Variants in KIRREL1 observed in about 807,000 individuals in gnomAD.
The protein encoded by KIRREL1 is kin of IRRE-like protein 1.
Under a neutral mutation model 83.3 loss-of-function variants are expected in KIRREL1, and 25 were observed. The observed-to-expected ratio is 0.30, with a 90% CI of 0.22 to 0.42. KIRREL1 has a LOEUF of 0.42. KIRREL1 is among the 10% of genes least tolerant of loss of function. KIRREL1 has a pLI of 1.00. For synonymous variants in KIRREL1, 388 were observed against 410.4 expected (o/e 0.95, Z 0.66); for missense variants, 812 against 1,032.3 (o/e 0.79, Z 2.92).
At chr1:158,085,040 T>C (rs1661977637) in intron 4 of KIRREL1, among the ~76,000 whole-genome samples, 1 of 152,324 alleles carries the variant, frequency 6.6e-6, no homozygotes, top group African/African-American at 2.4e-5. Context: ...TCTCCACTGA[T>C]CACTTCTACC....
Position 158,096,553 on chromosome 1 carries a change from G to A in KIRREL1, c.*1433G>A, listed in dbSNP as rs980987914. 3 of 457,032 alleles carry A rather than the reference G, an allele frequency of 6.6e-6. No homozygotes were observed. In the Admixed American group the frequency reaches 7.0e-5, roughly 11 times the overall value. 28.3% of individuals were successfully genotyped at this position (457,032 alleles called of 1,614,324 possible). ...GGGTGAGGGGACCTGGAGAGGTAAG[G>A]GGCCTGGAAATGGCCCTGACAGAGA... On this transcript the variant is annotated 3_prime_UTR_variant, in exon 15 of 15. Transcript: ENST00000359209.
intron 1 of KIRREL1, among the ~76,000 whole-genome samples, chr1:158,014,040 A>G (rs962370640): frequency 1.3e-5 from 2 of 152,094 alleles, no homozygotes; most frequent in Admixed American, 6.6e-5. Context: ...GGGGATTAGG[A>G]CCAGTTTGGA....
At chr1:158,034,992 G>GTT (rs1660435978) in intron 1 of KIRREL1, among the ~76,000 whole-genome samples, 1 of 151,276 alleles carries the variant, frequency 6.6e-6, no homozygotes, top group African/African-American at 2.5e-5. Context: ...AACTGGTTGT[G>GTT]TGTGTGTTCA....
At chr1:158,080,673 G>C (rs73024658) in intron 3 of KIRREL1, among the ~76,000 whole-genome samples, 1 of 152,122 alleles carries the variant, frequency 6.6e-6, no homozygotes, top group Admixed American at 6.5e-5. Context: ...GTGTCTCCTC[G>C]GGGCTCTACC....
intron 3 of KIRREL1, among the ~76,000 whole-genome samples, chr1:158,082,276 A>C (rs1661884142): frequency 6.6e-6 from 1 of 152,078 alleles, no homozygotes; most frequent in South Asian, 2.1e-4. Flanking sequence ...TCTGACCTTC[A>C]TGAGGCTCTA....
At chr1:158,084,363 G>T in intron 3 of KIRREL1, 59 bp from the exon 4 acceptor site, 1 of 1,468,550 alleles carries the variant, frequency 6.8e-7, no homozygotes, top group Non-Finnish European at 9.1e-7. Flanking sequence ...CAGGAGTTTT[G>T]GTCTTCAGGG....
At chr1:158,023,104 G>A (rs1177575311) in intron 1 of KIRREL1, among the ~76,000 whole-genome samples, 4 of 152,212 alleles carry the variant, frequency 2.6e-5, no homozygotes, top group East Asian at 1.9e-4. Context: ...GGAAGGTTAT[G>A]CCTTTTTCTT....
Position 158,048,839 on chromosome 1 carries a change from CGA to C in KIRREL1, c.53-27268_53-27267del, listed in dbSNP as rs779080438. ...GAGTAGGAAATAGGATGACATTGAC[CGA>C]GAGAGTGTAAAGTATTTAAAGTGTT... On this transcript the variant is annotated intron_variant, in intron 1 of 14. Transcript: ENST00000359209. Among the ~76,000 whole-genome samples, 13 of 152,122 alleles carry C rather than the reference CGA, an allele frequency of 8.5e-5. No homozygotes were observed. The East Asian group carries it at 9.7e-4, about 11-fold the overall frequency.
chr1:158,071,355 CGTGTGAGTAT>C (rs978743812), intron 1 of KIRREL1, among the ~76,000 whole-genome samples: 152 of 152,258 alleles, frequency 1.0e-3, no homozygotes, highest in African/African-American at 3.4e-3. Flanking sequence ...CGTGTGAGTG[CGTGTGAGTAT>C]GTGTGAGTGT....
Position 158,094,517 on chromosome 1 carries a change from A to G in KIRREL1, c.1797+127A>G. 1 of 1,267,308 alleles carries G rather than the reference A, an allele frequency of 7.9e-7. No individual in the cohort carries two copies. The highest frequency in any genetic ancestry group is 1.2e-6 in the Non-Finnish European group (1 of 869,094). The allele number at this position is 1,267,308 out of a possible 1,614,324, so 78.5% of individuals were successfully genotyped here. A position where few individuals can be genotyped will look rare whatever the true frequency, so the allele number is the denominator to read the frequency against. ...TGGTTGGGAGGGTTTTTGAAGGAGCAGAGGAGGTGGAATGCTAGATGGGGA... is the reference window on the plus strand; with the variant it reads ...TGGTTGGGAGGGTTTTTGAAGGAGCGGAGGAGGTGGAATGCTAGATGGGGA... On this transcript the variant is annotated intron_variant, in intron 14 of 14. Coordinates refer to ENST00000359209, the MANE Select transcript of KIRREL1 (RefSeq NM_018240.7). This position sits in a 1 kb window ranked among gnomAD's most constrained non-coding sequence, Gnocchi z 4.6.
rs540775294 is a variant in KIRREL1, at chr1:158,011,185, A to C, written c.52+17457A>C. On this transcript the variant is annotated intron_variant, in intron 1 of 14. Coordinates refer to ENST00000359209, the MANE Select transcript of KIRREL1 (RefSeq NM_018240.7). ...GCCTCCGGAGAGCCCATCCTGACTA[A>C]CCCTCTCTTTTTATCTCACTTTACA... is the stretch of plus-strand genomic sequence containing the variant. 3.9e-5 allele frequency among the ~76,000 whole-genome samples: 6 copies of C among 152,024 alleles called. No homozygotes were observed. The South Asian group carries it at 1.0e-3, about 26-fold the overall frequency.
intron 10 of KIRREL1, among the ~76,000 whole-genome samples, chr1:158,090,980 A>G (rs571423574): frequency 8.5e-5 from 13 of 152,296 alleles, no homozygotes; most frequent in South Asian, 4.1e-4. Flanking sequence ...ATCTGGGAGG[A>G]TTCCCAGTGT....
At chr1:158,002,896 C>T (rs577804154) in intron 1 of KIRREL1, among the ~76,000 whole-genome samples, 3 of 152,056 alleles carry the variant, frequency 2.0e-5, no homozygotes, top group African/African-American at 7.2e-5. Context: ...AAGGAGTGAA[C>T]CCTGGTCCCT....
chr1:158,009,813 T>A (rs1250209881), intron 1 of KIRREL1, among the ~76,000 whole-genome samples: 1 of 152,244 alleles, frequency 6.6e-6, no homozygotes, highest in Non-Finnish European at 1.5e-5. Flanking sequence ...CTCAAGCCTG[T>A]GTGCCAAAGG....
chr1:158,093,842 C>T (rs994582901), intron 13 of KIRREL1, 80 bp downstream of exon 13: 48 of 1,496,140 alleles, frequency 3.2e-5, no homozygotes, highest in South Asian at 2.5e-4. Context: ...CTAATAACCG[C>T]GGTCATTCTC....
rs779311442 is a variant in KIRREL1, at chr1:158,091,573, C to T, written c.1471+17C>T. The T allele has an allele frequency of 6.2e-7, 1 of 1,612,952 alleles. No homozygotes were observed. ...AAGAGCGAGGTGACTGGTAGTGCTG[C>T]CTGCCAGCTGGGGTGCAGAGCAGCC... On this transcript the variant is annotated intron_variant, in intron 11 of 14. Transcript: ENST00000359209.
In KIRREL1 at chr1:158,095,088, C is replaced by T; in HGVS notation, c.2242C>T (p.Arg748Ter). 1 of 1,607,492 alleles carries T rather than the reference C, an allele frequency of 6.2e-7. No individual in the cohort carries two copies. Among genetic ancestry groups the T allele is most frequent in the South Asian group, 1.1e-5 (1 of 90,386 alleles). Residue 748 changes from arginine (R) to a stop codon, truncating the protein, a stop_gained, in exon 15 of 15, where the codon CGA becomes TGA. Transcript: ENST00000359209. LOFTEE classifies it high-confidence loss of function. ...CTCCCAGCACTCGGACTACGGCCAGCGATTCCAGCAGCGCATGCAGACTCA... is the reference window on the plus strand; with the variant it reads ...CTCCCAGCACTCGGACTACGGCCAGTGATTCCAGCAGCGCATGCAGACTCA... ...YTSQHSDYGQ[R>*]FQQRMQTHV is the part of the protein sequence containing the mutation.
rs1281459146 is a variant in KIRREL1 at position 158,066,672 on chromosome 1, G to A, written c.53-9441G>A. On this transcript the variant is annotated intron_variant, in intron 1 of 14. Coordinates refer to ENST00000359209, the MANE Select transcript of KIRREL1 (RefSeq NM_018240.7). ...GTGCAGGGCCTGGATGGAGAGGACA[G>A]AGGCTCCCCGTCCCTTTCTGCTTTC... is the stretch of plus-strand genomic sequence containing the variant. Among the ~76,000 whole-genome samples, 3 of 152,290 alleles carry A rather than the reference G, an allele frequency of 2.0e-5. No individual in the cohort carries two copies. The East Asian group carries it at 5.8e-4, about 29-fold the overall frequency.
intron 1 of KIRREL1, among the ~76,000 whole-genome samples, chr1:158,014,807 C>CCCA (rs779392771): frequency 2.6e-5 from 4 of 152,170 alleles, no homozygotes; most frequent in East Asian, 3.9e-4. Flanking sequence ...ACAGGCAAGG[C>CCCA]CCACCTCTGT....
Sources: allele counts gnomAD v4.1 joint callset (sites outside exome capture counted in the v4.1 genomes callset), GRCh38; gene constraint gnomAD v4.1.1; non-coding constraint Gnocchi (gnomAD v3.1); transcripts MANE v1.5; gene names NCBI Gene and HGNC (gene_info 2026-07-23, HGNC 2026-07-21).